The following PCDH15 variants were observed in gnomAD, a reference collection of about 807,000 sequenced individuals.
PCDH15 encodes protocadherin-15.
A neutral mutation model predicts 178.5 loss-of-function variants in PCDH15; 129 were observed. The ratio of observed to expected loss-of-function variants is 0.72; its 90% CI spans 0.63 to 0.84. The LOEUF (loss-of-function observed/expected upper bound fraction) is 0.84. Ranked by LOEUF, PCDH15 falls within the 40% of genes least tolerant of loss-of-function variation. The pLI is 0.00. For missense variants in PCDH15, 2,230 were observed against 2,099.9 expected, an observed-to-expected ratio of 1.06 and a Z score of -1.21; for synonymous variants, 800 against 732.0, an observed-to-expected ratio of 1.09 and a Z score of -1.50.
intron 2 of PCDH15, among the ~76,000 whole-genome samples, chr10:55,123,566 C>T (rs1001505393): frequency 3.9e-5 from 6 of 152,098 alleles, no homozygotes; most frequent in Admixed American, 2.6e-4. Context: ...GAAACTGAGG[C>T]AAAGCTGAAT....
chr10:54,690,706 G>A (rs1188857213), intron 1 of PCDH15, among the ~76,000 whole-genome samples: 1 of 152,036 alleles, frequency 6.6e-6, no homozygotes, highest in African/African-American at 2.4e-5. Flanking sequence ...GTGGGGAGTT[G>A]CTAAACCAGT....
rs1900454 is a variant in PCDH15, at chr10:53,904,937, C to T, written c.3374-1567G>A. Among the ~76,000 whole-genome samples, 422 of 152,110 alleles carry T rather than the reference C, an allele frequency of 2.8e-3. 3 individuals carry two copies. Among genetic ancestry groups the T allele is most frequent in the African/African-American group, 9.7e-3 (404 of 41,486 alleles). On this transcript the variant is annotated intron_variant, in intron 25 of 37. Transcript: ENST00000644397. ...AGAACTCTTAGAGTGACAGAGGTCT[C>T]GGAAAAATACTGATGACGTATATTT... is the stretch of plus-strand genomic sequence containing the variant.
chr10:55,497,465 G>T (rs969311426), intron 2 of PCDH15, among the ~76,000 whole-genome samples: 1 of 151,682 alleles, frequency 6.6e-6, no homozygotes, highest in African/African-American at 2.4e-5. Context: ...TTGATTTCGA[G>T]TTGGCTTGGC....
chr10:55,132,755 T>G (rs897396607), intron 2 of PCDH15, among the ~76,000 whole-genome samples: 1 of 152,192 alleles, frequency 6.6e-6, no homozygotes. Context: ...TATTGTACTT[T>G]ACTCATAAAT....
At chr10:55,445,929 C>T (rs1839305612) in intron 2 of PCDH15, among the ~76,000 whole-genome samples, 1 of 152,154 alleles carries the variant, frequency 6.6e-6, no homozygotes, top group African/African-American at 2.4e-5. Context: ...TTGAGAAACA[C>T]CAGACACAGA....
At chr10:54,108,634 G>A (rs1156919999) in intron 15 of PCDH15, among the ~76,000 whole-genome samples, 1 of 152,136 alleles carries the variant, frequency 6.6e-6, no homozygotes, top group African/African-American at 2.4e-5. Context: ...AGGATGGCAT[G>A]TGACCTACGG....
chr10:55,432,703 C>G (rs1838913615), intron 2 of PCDH15, among the ~76,000 whole-genome samples: 1 of 151,976 alleles, frequency 6.6e-6, no homozygotes, highest in Non-Finnish European at 1.5e-5. Context: ...TTGTGTAAAG[C>G]CATGTGGCGA....
rs1841013855 is a variant in PCDH15, at chr10:53,803,929, A to G, written c.*2650T>C. On this transcript the variant is annotated 3_prime_UTR_variant, in exon 38 of 38. Coordinates refer to ENST00000644397, the MANE Select transcript of PCDH15 (RefSeq NM_001384140.1). ...AATAACAACCAATTTCTTTATAAAT[A>G]TTTACATTGAAACGTTATTTATATG... 2 of 151,966 alleles carry G rather than the reference A, an allele frequency of 1.3e-5. No homozygotes were observed. Among genetic ancestry groups the G allele is most frequent in the Admixed American group, 6.6e-5 (1 of 15,216 alleles). The allele number at this position is 151,966 out of a possible 1,614,324, so 9.4% of individuals were successfully genotyped here. A position where few individuals can be genotyped will look rare whatever the true frequency, so the allele number is the denominator to read the frequency against.
intron 2 of PCDH15, among the ~76,000 whole-genome samples, chr10:55,452,916 T>C (rs1175377307): frequency 1.3e-5 from 2 of 152,092 alleles, no homozygotes; most frequent in Non-Finnish European, 2.9e-5. Flanking sequence ...AAATGCAGAG[T>C]AGGATTTACC....
At chr10:54,865,018 T>C (rs1370020929) in intron 3 of PCDH15, among the ~76,000 whole-genome samples, 1 of 152,188 alleles carries the variant, frequency 6.6e-6, no homozygotes, top group East Asian at 1.9e-4. Flanking sequence ...TAGACATTAT[T>C]AAATATCTCT....
chr10:54,524,549 G>A (rs2083199269), intron 3 of PCDH15, among the ~76,000 whole-genome samples: 2 of 152,142 alleles, frequency 1.3e-5, no homozygotes, highest in Admixed American at 6.6e-5. Context: ...TAGTCCCAGA[G>A]TAACTGTCCC....
intron 8 of PCDH15, among the ~76,000 whole-genome samples, chr10:54,308,571 A>G (rs567245853): frequency 6.6e-6 from 1 of 152,230 alleles, no homozygotes; most frequent in East Asian, 1.9e-4. Flanking sequence ...AACCTGTTCA[A>G]ATACATTTTG....
intron 1 of PCDH15, among the ~76,000 whole-genome samples, chr10:55,267,656 G>A (rs1842335404): frequency 6.6e-6 from 1 of 152,108 alleles, no homozygotes. Context: ...TCAAATGCAT[G>A]TTTTTCTTAT....
intron 23 of PCDH15, among the ~76,000 whole-genome samples, chr10:53,949,654 A>G (rs2086854656): frequency 1.3e-5 from 2 of 152,094 alleles, no homozygotes; most frequent in Non-Finnish European, 2.9e-5. Flanking sequence ...CTGAGATGGA[A>G]GATTGCTTGC....
intron 1 of PCDH15, among the ~76,000 whole-genome samples, chr10:55,258,122 A>T (rs963615633): frequency 7.9e-5 from 12 of 152,104 alleles, no homozygotes; most frequent in African/African-American, 2.9e-4. Context: ...ATATGCCTAG[A>T]TTTTTGCTTG....
chr10:53,960,708 T>G (rs957665566), intron 22 of PCDH15, among the ~76,000 whole-genome samples: 1 of 152,316 alleles, frequency 6.6e-6, no homozygotes, highest in South Asian at 2.1e-4. Context: ...AGGATCATCC[T>G]GAGAGCCACA....
At chr10:55,269,665 G>A (rs967935264) in intron 1 of PCDH15, among the ~76,000 whole-genome samples, 29 of 151,966 alleles carry the variant, frequency 1.9e-4, no homozygotes, top group African/African-American at 7.2e-5. Flanking sequence ...TTTTATGTTC[G>A]TGGATTGGAA....
chr10:54,299,038 C>A (rs910673427), intron 8 of PCDH15, among the ~76,000 whole-genome samples: 1 of 152,110 alleles, frequency 6.6e-6, no homozygotes, highest in African/African-American at 2.4e-5. Flanking sequence ...TGCAAAAACC[C>A]AAGGAAGTGG....
chr10:53,991,994 T>G (rs945385588), intron 21 of PCDH15, among the ~76,000 whole-genome samples: 1 of 152,090 alleles, frequency 6.6e-6, no homozygotes, highest in Non-Finnish European at 1.5e-5. Context: ...GTTGTTCTTT[T>G]GCTCTTTGCA....
Sources: gnomAD v4.1 joint callset for allele counts (sites outside exome capture counted in the v4.1 genomes callset) on GRCh38, gnomAD v4.1.1 for gene constraint, MANE v1.5 for transcripts, NCBI Gene and HGNC (gene_info 2026-07-23, HGNC 2026-07-21) for gene names.